RFX3: variants seen among roughly 807,000 people sequenced by gnomAD.
The protein encoded by RFX3 is transcription factor RFX3.
A neutral mutation model predicts 98.6 loss-of-function variants in RFX3; 14 were observed. The ratio of observed to expected loss-of-function variants is 0.14; its 90% CI spans 0.09 to 0.22. The LOEUF is 0.22. RFX3 is among the 10% of genes least tolerant of loss of function. The pLI is 1.00. For synonymous variants in RFX3, 383 were observed against 328.4 expected (o/e 1.17, Z -1.80); for missense variants, 639 against 926.9 (o/e 0.69, Z 4.03).
chr9:3,449,670 G>A (rs1846390267), intron 1 of RFX3, among the ~76,000 whole-genome samples: 1 of 151,976 alleles, frequency 6.6e-6, no homozygotes, highest in Non-Finnish European at 1.5e-5. Flanking sequence ...TGGGCAACAT[G>A]GCAAGACCTT....
intron 1 of RFX3, among the ~76,000 whole-genome samples, chr9:3,457,695 C>A (rs1037290694): frequency 6.6e-6 from 1 of 151,932 alleles, no homozygotes; most frequent in East Asian, 1.9e-4. Flanking sequence ...TATTTGTGTC[C>A]CAACCTTTTC....
At chr9:3,481,486 TAAAA>T (rs904463244) in intron 1 of RFX3, among the ~76,000 whole-genome samples, 1 of 148,992 alleles carries the variant, frequency 6.7e-6, no homozygotes, top group African/African-American at 2.5e-5. Flanking sequence ...GTACATTTTT[TAAAA>T]AAAAAAATCT....
At chr9:3,293,022 T>G in intron 6 of RFX3, 55 bp downstream of exon 6, 7 of 1,369,348 alleles carry the variant, frequency 5.1e-6, no homozygotes, top group Non-Finnish European at 7.1e-6. Context: ...ATATATTGAA[T>G]TGCCCTAGTT....
chr9:3,303,642 T>A (rs1010759210), intron 4 of RFX3, among the ~76,000 whole-genome samples: 2 of 148,910 alleles, frequency 1.3e-5, no homozygotes, highest in African/African-American at 4.9e-5. Context: ...CACTTCTTTT[T>A]CTGGGAAAAA....
chr9:3,417,900 T>C (rs1354616328), intron 1 of RFX3, among the ~76,000 whole-genome samples: 2 of 152,212 alleles, frequency 1.3e-5, no homozygotes, highest in Non-Finnish European at 2.9e-5. Flanking sequence ...TGTTTTTAAA[T>C]GAGCAGTCTT....
At chr9:3,405,280 T>C (rs912226790) in intron 1 of RFX3, among the ~76,000 whole-genome samples, 5 of 152,132 alleles carry the variant, frequency 3.3e-5, no homozygotes, top group Non-Finnish European at 5.9e-5. Context: ...CAACACTCTG[T>C]TTTTAAAACT....
rs1571238 is a variant in RFX3 at position 3,384,416 on chromosome 9, C to G, written c.117+11056G>C. 3.7e-3 allele frequency among the ~76,000 whole-genome samples: 562 copies of G among 152,310 alleles called. 5 individuals are homozygous for G. Among genetic ancestry groups the G allele is most frequent in the South Asian group, 9.5e-3 (46 of 4,834 alleles). On this transcript the variant is annotated intron_variant, in intron 2 of 16. Transcript: ENST00000617270. ...TGTCCTGGCGTATACTTCTCAAATACAAGCACAGGCTGTCAAGACCAAGTG... is the reference window on the plus strand; with the variant it reads ...TGTCCTGGCGTATACTTCTCAAATAGAAGCACAGGCTGTCAAGACCAAGTG...
intron 2 of RFX3, among the ~76,000 whole-genome samples, chr9:3,366,703 T>TTTCTTTCTTTCTTTCTTTCTTTCC (rs1837181790): frequency 1.7e-5 from 2 of 118,168 alleles, no homozygotes; most frequent in African/African-American, 6.6e-5. Flanking sequence ...CCTTTCTTTC[T>TTTCTTTCTTTCTTTCTTTCTTTCC]TTCTTTCTTT....
At chr9:3,464,971 C>T (rs1449567073) in intron 1 of RFX3, among the ~76,000 whole-genome samples, 1 of 151,718 alleles carries the variant, frequency 6.6e-6, no homozygotes, top group Non-Finnish European at 1.5e-5. Context: ...ACCCCTATGA[C>T]TTCTATGCCT....
rs148432467 is a variant in RFX3 at position 3,415,365 on chromosome 9, C to T, written c.-8-19769G>A. ...AAAGTGCAGAGATTAGAGGCGTGAG[C>T]CACCCTGGCTAGCCAACCAGTACCA... On this transcript the variant is annotated intron_variant, in intron 1 of 16. Coordinates refer to ENST00000617270, the MANE Select transcript of RFX3 (RefSeq NM_001282116.2). 2.6e-5 allele frequency among the ~76,000 whole-genome samples: 4 copies of T among 151,694 alleles called. No homozygotes were observed. The East Asian group carries it at 7.8e-4, about 30-fold the overall frequency.
In RFX3 at chr9:3,218,829, T is replaced by C. The variant is rs1817201119; in HGVS notation, c.*6213A>G. The C allele has an allele frequency of 6.6e-6, 1 of 152,148 alleles. No individual in the cohort carries two copies. Among genetic ancestry groups the C allele is most frequent in the South Asian group, 2.1e-4 (1 of 4,830 alleles). 9.4% of individuals were successfully genotyped at this position (152,148 alleles called of 1,614,324 possible). ...AAATAAATGTTCAAATATCTCCTAG[T>C]GTTACTATGTTTCTGTGCTTGTGGG... On this transcript the variant is annotated 3_prime_UTR_variant, in exon 17 of 17. Transcript: ENST00000617270.
At chr9:3,402,236 C>T (rs372808477) in intron 1 of RFX3, among the ~76,000 whole-genome samples, 55 of 152,114 alleles carry the variant, frequency 3.6e-4, no homozygotes, top group Admixed American at 7.2e-4. Context: ...CTCCTAAAGA[C>T]CAAAGTCTGC....
intron 6 of RFX3, among the ~76,000 whole-genome samples, chr9:3,290,535 T>G (rs945521339): frequency 1.3e-5 from 2 of 152,086 alleles, no homozygotes; most frequent in Non-Finnish European, 2.9e-5. Flanking sequence ...AGCGAGGAGA[T>G]AGTAGGTTAG....
chr9:3,358,441 A>T (rs1253686425), intron 2 of RFX3, among the ~76,000 whole-genome samples: 1 of 152,138 alleles, frequency 6.6e-6, no homozygotes, highest in Non-Finnish European at 1.5e-5. Context: ...AATGTCAAGA[A>T]TCTTGGAAAA....
intron 15 of RFX3, among the ~76,000 whole-genome samples, chr9:3,242,854 C>T (rs1463935906): frequency 6.6e-6 from 1 of 151,934 alleles, no homozygotes; most frequent in African/African-American, 2.4e-5. Flanking sequence ...CACTTAAAGA[C>T]TCTACTGGTT....
At chr9:3,296,231 T>C (rs1827969545) in intron 5 of RFX3, among the ~76,000 whole-genome samples, 1 of 151,886 alleles carries the variant, frequency 6.6e-6, no homozygotes, top group Non-Finnish European at 1.5e-5. Flanking sequence ...TTTATATATA[T>C]ATATGGGTTA....
intron 2 of RFX3, among the ~76,000 whole-genome samples, chr9:3,366,503 G>C (rs1837089638): frequency 6.6e-6 from 1 of 152,112 alleles, no homozygotes; most frequent in African/African-American, 2.4e-5. Context: ...CATTTATACA[G>C]TGATGTGCTT....
intron 2 of RFX3, among the ~76,000 whole-genome samples, chr9:3,385,957 A>G (rs1165656489): frequency 6.6e-6 from 1 of 152,054 alleles, no homozygotes; most frequent in African/African-American, 2.4e-5. Flanking sequence ...TTTATTGAGA[A>G]ATTGTCTGGC....
At chr9:3,427,202 A>C (rs1014971092) in intron 1 of RFX3, among the ~76,000 whole-genome samples, 2 of 146,170 alleles carry the variant, frequency 1.4e-5, no homozygotes, top group Non-Finnish European at 3.0e-5. Flanking sequence ...ATTATATACT[A>C]TACTATATAA....
Sources: gnomAD v4.1 joint callset for allele counts (sites outside exome capture counted in the v4.1 genomes callset) on GRCh38, gnomAD v4.1.1 for gene constraint, MANE v1.5 for transcripts, NCBI Gene and HGNC (gene_info 2026-07-23, HGNC 2026-07-21) for gene names.